The following SYTL5 variants were observed in gnomAD, a reference collection of about 807,000 sequenced individuals.
SYTL5 encodes synaptotagmin-like protein 5.
SYTL5 carries 34 observed loss-of-function variants against 55.9 expected under a neutral mutation model. That is an observed-to-expected ratio of 0.61 (90% CI 0.46 to 0.81). The LOEUF (loss-of-function observed/expected upper bound fraction) is 0.81. Among genes scored for constraint, SYTL5 ranks in the 30% least tolerant of loss-of-function variants. SYTL5 has a pLI of 0.00. For missense variants in SYTL5, 637 were observed against 546.7 expected (o/e 1.17, Z -1.65); for synonymous variants, 221 against 188.7 (o/e 1.17, Z -1.40).
intron 2 of SYTL5, among the ~76,000 whole-genome samples, chrX:38,048,511 G>A (rs1176662515): frequency 1.0e-5 from 1 of 98,272 alleles, no homozygotes; most frequent in Non-Finnish European, 2.0e-5. Flanking sequence ...AGACATACCC[G>A]AGACTGGGCA....
chrX:38,000,208 T>C, the SYTL5 span, among the ~76,000 whole-genome samples: 2 of 112,326 alleles, frequency 1.8e-5, no homozygotes, highest in African/African-American at 3.2e-5. Flanking sequence ...CTTGTTCCAC[T>C]GGACGTTGTG....
At chrX:38,013,572 T>C (rs1336442097) in intron 1 of SYTL5, among the ~76,000 whole-genome samples, 1 of 111,915 alleles carries the variant, frequency 8.9e-6, no homozygotes, top group Non-Finnish European at 1.9e-5. Flanking sequence ...CAGTCATGTT[T>C]CTCAGAAATT....
the SYTL5 span, among the ~76,000 whole-genome samples, chrX:37,924,703 T>G: frequency 9.0e-6 from 1 of 111,392 alleles, no homozygotes; most frequent in African/African-American, 3.3e-5. Flanking sequence ...ACATATTTAT[T>G]GTTTCTATTA....
intron 8 of SYTL5, 88 bp from the exon 9 acceptor site, chrX:38,096,046 A>G: frequency 2.1e-6 from 1 of 469,344 alleles, no homozygotes; most frequent in Non-Finnish European, 3.6e-6. Flanking sequence ...AAAGAATTGA[A>G]ATAAAGGTGA....
At chrX:37,910,923 A>G in the SYTL5 span, among the ~76,000 whole-genome samples, 66 of 108,226 alleles carry the variant, frequency 6.1e-4, no homozygotes, top group African/African-American at 1.9e-3. Flanking sequence ...CATTACATAC[A>G]TCATTGTATG....
chrX:37,978,820 AG>A, the SYTL5 span, among the ~76,000 whole-genome samples: 1 of 111,304 alleles, frequency 9.0e-6, no homozygotes, highest in Non-Finnish European at 1.9e-5. Context: ...TGGGTCTTTA[AG>A]GATCTTGAGT....
intron 3 of SYTL5, among the ~76,000 whole-genome samples, chrX:38,058,230 T>C (rs1387538230): frequency 9.0e-6 from 1 of 111,635 alleles, no homozygotes; most frequent in Non-Finnish European, 1.9e-5. Flanking sequence ...GTTTGTTAAT[T>C]GCATTGTCCA....
the SYTL5 span, chrX:37,939,492 G>C: frequency 8.9e-6 from 1 of 112,002 alleles, no homozygotes; most frequent in Non-Finnish European, 1.9e-5. Context: ...CCTGGCTTAA[G>C]ATGAGACCTG....
intron 3 of SYTL5, among the ~76,000 whole-genome samples, chrX:38,055,316 G>A (rs779679711): frequency 4.7e-4 from 53 of 111,962 alleles, no homozygotes; most frequent in African/African-American, 1.6e-3. Context: ...TGGGAGTGCA[G>A]TAAGCACAAA....
chrX:37,965,023 A>T, the SYTL5 span, among the ~76,000 whole-genome samples: 1 of 110,758 alleles, frequency 9.0e-6, no homozygotes, highest in Non-Finnish European at 1.9e-5. Flanking sequence ...ATCTTTCCAT[A>T]AAAACTCTAA....
chrX:38,023,198 A>C (rs1934619645), intron 1 of SYTL5, among the ~76,000 whole-genome samples: 1 of 111,909 alleles, frequency 8.9e-6, no homozygotes, highest in Admixed American at 9.5e-5. Context: ...CTGAAACCCA[A>C]ATCCATTATT....
the SYTL5 span, among the ~76,000 whole-genome samples, chrX:37,904,099 C>T: frequency 9.0e-6 from 1 of 110,629 alleles, no homozygotes; most frequent in Non-Finnish European, 1.9e-5. Context: ...GAAGATATGG[C>T]TCTGGTAATA....
chrX:38,041,495 G>T (rs941223748), intron 2 of SYTL5, among the ~76,000 whole-genome samples: 8 of 111,852 alleles, frequency 7.2e-5, no homozygotes, highest in Admixed American at 9.5e-5. Flanking sequence ...TTGCCACAAA[G>T]CTTCTTAACG....
At chrX:38,094,043 G>A (rs1936862024) in intron 7 of SYTL5, among the ~76,000 whole-genome samples, 1 of 110,928 alleles carries the variant, frequency 9.0e-6, no homozygotes, top group African/African-American at 3.3e-5. Context: ...TCATTGATTT[G>A]GGGAATGAGA....
intron 2 of SYTL5, among the ~76,000 whole-genome samples, chrX:38,041,713 G>A (rs1465576162): frequency 8.9e-6 from 1 of 112,200 alleles, no homozygotes; most frequent in East Asian, 2.8e-4. Flanking sequence ...CCGAGGAAGC[G>A]TTACTTGTAA....
At chrX:38,119,926 G>A (rs1251388815) in intron 13 of SYTL5, among the ~76,000 whole-genome samples, 1 of 112,025 alleles carries the variant, frequency 8.9e-6, no homozygotes, top group Non-Finnish European at 1.9e-5. Flanking sequence ...TTCCATTCTT[G>A]ATCACTTGGG....
the SYTL5 span, among the ~76,000 whole-genome samples, chrX:37,989,437 G>A: frequency 2.7e-5 from 3 of 112,103 alleles, no homozygotes; most frequent in South Asian, 7.5e-4. Flanking sequence ...CTACTCAGCT[G>A]TAAACATATG....
chrX:37,956,773 A>T, the SYTL5 span, among the ~76,000 whole-genome samples: 2 of 111,807 alleles, frequency 1.8e-5, no homozygotes, highest in African/African-American at 6.5e-5. Context: ...TGCCTTCGGG[A>T]TCCATATTTC....
the SYTL5 span, among the ~76,000 whole-genome samples, chrX:37,989,966 G>A: frequency 2.7e-5 from 3 of 110,836 alleles, no homozygotes; most frequent in Non-Finnish European, 3.8e-5. Flanking sequence ...TCCACTTCCC[G>A]GGTTCACACC....
Sources: gnomAD v4.1 joint callset for allele counts (sites outside exome capture counted in the v4.1 genomes callset) on GRCh38, gnomAD v4.1.1 for gene constraint, MANE v1.5 for transcripts, NCBI Gene and HGNC (gene_info 2026-07-23, HGNC 2026-07-21) for gene names.